RPS27L: variants seen among roughly 807,000 people sequenced by gnomAD.
The protein encoded by RPS27L is ribosomal protein S27 like.
RPS27L carries 10 observed loss-of-function variants against 12.8 expected under a neutral mutation model. The observed-to-expected ratio is 0.78, with a 90% confidence interval of 0.48 to 1.33. The LOEUF is 1.33. RPS27L is among the 40% of genes most tolerant of loss of function. The pLI is 0.00. For missense variants in RPS27L, 81 were observed against 97.4 expected, an observed-to-expected ratio of 0.83 and a Z score of 0.71; for synonymous variants, 26 against 32.3, an observed-to-expected ratio of 0.81 and a Z score of 0.66.
rs1187553840 is a variant in RPS27L at position 63,151,512 on chromosome 15, G to T, written c.*2520C>A. On this transcript the variant is annotated 3_prime_UTR_variant, in exon 4 of 4. Coordinates refer to ENST00000330964, the MANE Select transcript of RPS27L (RefSeq NM_015920.4). The stretch of plus-strand genomic sequence containing the variant: ...GCCTCCCAAACTGCTGGGATTATAG[G>T]TGTGAGCCACCGCGCCCAGCCCTTA... 1 of 152,176 alleles carries T rather than the reference G, an allele frequency of 6.6e-6. No individual in the cohort carries two copies. Among genetic ancestry groups the T allele is most frequent in the Non-Finnish European group, 1.5e-5 (1 of 68,052 alleles). 9.4% of individuals were successfully genotyped at this position (152,176 alleles called of 1,614,324 possible). A position where few individuals can be genotyped will look rare whatever the true frequency, so the allele number is the denominator to read the frequency against.
In RPS27L at chr15:63,155,746, AG is replaced by A; in HGVS notation, c.116-16del. 2 of 1,319,750 alleles carry A rather than the reference AG, an allele frequency of 1.5e-6. No individual in the cohort carries two copies. The highest frequency in any genetic ancestry group is 1.6e-5 in the South Asian group (1 of 64,290). The allele number at this position is 1,319,750 out of a possible 1,614,324, so 81.8% of individuals were successfully genotyped here. On this transcript the variant is annotated splice_polypyrimidine_tract_variant and intron_variant, in intron 2 of 3. Transcript: ENST00000330964. ...CTTGTAGCAACCTAAAAAAAAAAAAAGGCAATGTTAAAAATGAAAAGCAGAG... is the reference window on the plus strand; with the variant it reads ...CTTGTAGCAACCTAAAAAAAAAAAAAGCAATGTTAAAAATGAAAAGCAGAG...
intron 3 of RPS27L, 26 bp from the exon 4 acceptor site, chr15:63,154,086 T>C: frequency 6.3e-7 from 1 of 1,584,570 alleles, no homozygotes; most frequent in Non-Finnish European, 8.7e-7. Flanking sequence ...GAGAGTATAT[T>C]AAACAAGTGC....
At chr15:63,155,456 G>T in intron 3 of RPS27L, 165 bp downstream of exon 3, 1 of 466,550 alleles carries the variant, frequency 2.1e-6, no homozygotes, top group South Asian at 4.4e-5. Context: ...GCAAGGTCAA[G>T]AGTATAAATA....
In RPS27L at chr15:63,151,129, G is replaced by A. The variant is rs1050702409; in HGVS notation, c.*2903C>T. The stretch of plus-strand genomic sequence containing the variant: ...GTGGCTGACCCTGAAGTTTGGGAAA[G>A]TCCTGGTGTCCTATTCAGCACTTTT... On this transcript the variant is annotated 3_prime_UTR_variant, in exon 4 of 4. Coordinates refer to ENST00000330964, the MANE Select transcript of RPS27L (RefSeq NM_015920.4). 7 of 152,176 alleles carry A rather than the reference G, an allele frequency of 4.6e-5. No homozygotes were observed. The highest frequency in any genetic ancestry group is 5.9e-5 in the Non-Finnish European group (4 of 68,040). The allele number at this position is 152,176 out of a possible 1,614,324, so 9.4% of individuals were successfully genotyped here. A position where few individuals can be genotyped will look rare whatever the true frequency, so the allele number is the denominator to read the frequency against.
Position 63,153,572 on chromosome 15 carries a change from C to A in RPS27L, c.*460G>T. 6.5e-6 allele frequency: 1 copy of A among 153,146 alleles called. No homozygotes were observed. The highest frequency in any genetic ancestry group is 1.5e-5 in the Non-Finnish European group (1 of 68,922). 9.5% of individuals were successfully genotyped at this position (153,146 alleles called of 1,614,324 possible). A position where few individuals can be genotyped will look rare whatever the true frequency, so the allele number is the denominator to read the frequency against. Reference sequence around the variant, plus strand: ...GGTTTCTACTCTTGAAAATGAGACACAAATTAGCCAGGCATGGTGGTGTGT... The same window carrying A: ...GGTTTCTACTCTTGAAAATGAGACAAAAATTAGCCAGGCATGGTGGTGTGT... On this transcript the variant is annotated 3_prime_UTR_variant, in exon 4 of 4. Coordinates refer to ENST00000330964, the MANE Select transcript of RPS27L (RefSeq NM_015920.4).
Position 63,153,902 on chromosome 15 carries a change from T to C in RPS27L, c.*130A>G. On this transcript the variant is annotated 3_prime_UTR_variant, in exon 4 of 4. Transcript: ENST00000330964. ...GAAAAACTGACACCAAAATAGGAGA[T>C]TACTGCTGTATACCTTACAAAACCA... is the stretch of plus-strand genomic sequence containing the variant. The C allele has an allele frequency of 1.4e-6, 1 of 720,432 alleles. No individual in the cohort carries two copies. Among genetic ancestry groups the C allele is most frequent in the South Asian group, 1.7e-5 (1 of 57,942 alleles). The allele number at this position is 720,432 out of a possible 1,614,324, so 44.6% of individuals were successfully genotyped here.
Position 63,153,673 on chromosome 15 carries a change from C to T in RPS27L, c.*359G>A, listed in dbSNP as rs28542166. ...CTGGGAGGCGGAGGTTGCAGTGAGC[C>T]GAGATCGCACCACTGCACTCCAGCT... On this transcript the variant is annotated 3_prime_UTR_variant, in exon 4 of 4. Transcript: ENST00000330964. The T allele has an allele frequency of 0.12, 21,001 of 181,514 alleles. 1,763 individuals are homozygous for T. Among genetic ancestry groups the T allele is most frequent in the East Asian group, 0.44 (2,662 of 6,094 alleles). 11.2% of individuals were successfully genotyped at this position (181,514 alleles called of 1,614,324 possible).
rs1000263127 is a variant in RPS27L, at chr15:63,153,702, G to C, written c.*330C>G. On this transcript the variant is annotated 3_prime_UTR_variant, in exon 4 of 4. Transcript: ENST00000330964. ...ATCGCACCACTGCACTCCAGCTTGAGTGACAGAGCAGGACTCTCTCTCTCA... is the reference window on the plus strand; with the variant it reads ...ATCGCACCACTGCACTCCAGCTTGACTGACAGAGCAGGACTCTCTCTCTCA... 1.8e-5 allele frequency: 4 copies of C among 217,982 alleles called. No homozygotes were observed. Among genetic ancestry groups the C allele is most frequent in the Non-Finnish European group, 3.4e-5 (4 of 116,074 alleles). 13.5% of individuals were successfully genotyped at this position (217,982 alleles called of 1,614,324 possible). A position where few individuals can be genotyped will look rare whatever the true frequency, so the allele number is the denominator to read the frequency against.
In RPS27L at chr15:63,148,852, C is replaced by CTTTTTTTTTTTTT. The variant is rs138519912; in HGVS notation, c.*5167_*5179dup. On this transcript the variant is annotated 3_prime_UTR_variant, in exon 4 of 4. Coordinates refer to ENST00000330964, the MANE Select transcript of RPS27L (RefSeq NM_015920.4). The stretch of plus-strand genomic sequence containing the variant: ...CAAACACCATGACCTGATGTCATTT[C>CTTTTTTTTTTTTT]TTTTTTTTTTTTTTTTTTTTTTTTC... The CTTTTTTTTTTTTT allele has an allele frequency of 8.4e-6, 1 of 119,444 alleles. No individual in the cohort carries two copies. The highest frequency in any genetic ancestry group is 1.7e-5 in the Non-Finnish European group (1 of 58,024). 7.4% of individuals were successfully genotyped at this position (119,444 alleles called of 1,614,324 possible). A position where few individuals can be genotyped will look rare whatever the true frequency, so the allele number is the denominator to read the frequency against.
chr15:63,154,264 G>A, intron 3 of RPS27L: 1 of 508,726 alleles, frequency 2.0e-6, no homozygotes, highest in South Asian at 3.5e-5. Flanking sequence ...GACTATAAGT[G>A]TCACTCCTGT....
chr15:63,156,577 T>A, intron 1 of RPS27L, 56 bp from the exon 2 acceptor site: 1 of 1,059,738 alleles, frequency 9.4e-7, no homozygotes, highest in South Asian at 1.3e-5. Context: ...CTGGCACATT[T>A]AACCATACGT....
intron 3 of RPS27L, 119 bp from the exon 4 acceptor site, chr15:63,154,179 A>C (rs1297473428): frequency 1.3e-6 from 1 of 755,056 alleles, no homozygotes; most frequent in Admixed American, 2.4e-5. Flanking sequence ...ATTAATACTC[A>C]TATACAGATT....
Position 63,156,806 on chromosome 15 carries a change from G to T in RPS27L, c.7-285C>A. 3.6e-6 allele frequency: 2 copies of T among 555,554 alleles called. No individual in the cohort carries two copies. The highest frequency in any genetic ancestry group is 6.3e-5 in the East Asian group (2 of 31,566). 34.4% of individuals were successfully genotyped at this position (555,554 alleles called of 1,614,324 possible). A position where few individuals can be genotyped will look rare whatever the true frequency, so the allele number is the denominator to read the frequency against. Reference sequence around the variant, plus strand: ...CTCAACTGCGTAATGAACTGTCTTCGATGAAAACTGCGCGAAGTCGAGGTG... The same window carrying T: ...CTCAACTGCGTAATGAACTGTCTTCTATGAAAACTGCGCGAAGTCGAGGTG... On this transcript the variant is annotated intron_variant, in intron 1 of 3. Coordinates refer to ENST00000330964, the MANE Select transcript of RPS27L (RefSeq NM_015920.4).
At position 63,157,450 on chromosome 15, in the gene RPS27L, C is replaced by T; in HGVS notation, c.-45G>A. 1 of 1,612,534 alleles carries T rather than the reference C, an allele frequency of 6.2e-7. No individual in the cohort carries two copies. Among genetic ancestry groups the T allele is most frequent in the Non-Finnish European group, 8.5e-7 (1 of 1,178,570 alleles). ...CAGCCCTACCAGACCTCCCAGCCCA[C>T]ACAGCTAGCAAGCTGCAAGCGATCT... is the stretch of plus-strand genomic sequence containing the variant. On this transcript the variant is annotated 5_prime_UTR_variant, in exon 1 of 4. It adds an upstream start codon to the 5' untranslated region. Coordinates refer to ENST00000330964, the MANE Select transcript of RPS27L (RefSeq NM_015920.4).
intron 3 of RPS27L, chr15:63,154,322 C>T: frequency 2.5e-6 from 1 of 407,132 alleles, no homozygotes. Context: ...AGCCTGAATT[C>T]AACAGTGAAG....
At chr15:63,155,480 A>C in intron 3 of RPS27L, 141 bp downstream of exon 3, 1 of 538,826 alleles carries the variant, frequency 1.9e-6, no homozygotes. Context: ...CCATTTGAAC[A>C]GGCCATTCTT....
chr15:63,154,141 T>A, intron 3 of RPS27L, 81 bp from the exon 4 acceptor site: 2 of 1,118,356 alleles, frequency 1.8e-6, no homozygotes, highest in Non-Finnish European at 1.3e-6. Flanking sequence ...TACTTTTAAG[T>A]AAAATACTGA....
chr15:63,157,245 C>G (rs1464500060), intron 1 of RPS27L, 155 bp downstream of exon 1: 5 of 848,094 alleles, frequency 5.9e-6, no homozygotes, highest in African/African-American at 5.0e-5. Context: ...GGGCAAGTCA[C>G]TACATGCCCG....
In RPS27L at chr15:63,153,433, C is replaced by T. The variant is rs971467017; in HGVS notation, c.*599G>A. On this transcript the variant is annotated 3_prime_UTR_variant, in exon 4 of 4. Transcript: ENST00000330964. ...AATATGTACTTCTTTAAGATGTTTCCACAGGTACAACAGCAGAACTACATT... is the reference window on the plus strand; with the variant it reads ...AATATGTACTTCTTTAAGATGTTTCTACAGGTACAACAGCAGAACTACATT... 6.6e-6 allele frequency: 1 copy of T among 151,980 alleles called. No individual in the cohort carries two copies. The highest frequency in any genetic ancestry group is 6.6e-5 in the Admixed American group (1 of 15,264). The allele number at this position is 151,980 out of a possible 1,614,324, so 9.4% of individuals were successfully genotyped here. A position where few individuals can be genotyped will look rare whatever the true frequency, so the allele number is the denominator to read the frequency against.
Sources: allele counts gnomAD v4.1 joint callset, GRCh38; gene constraint gnomAD v4.1.1; transcripts MANE v1.5; gene names NCBI Gene and HGNC (gene_info 2026-07-23, HGNC 2026-07-21).